Variants in PXDNL observed in about 807,000 individuals in gnomAD.
PXDNL encodes peroxidasin like, also known as probable oxidoreductase PXDNL.
A neutral mutation model predicts 150.8 loss-of-function variants in PXDNL; 145 were observed. The observed-to-expected ratio is 0.96, with a 90% CI of 0.84 to 1.10. The LOEUF (loss-of-function observed/expected upper bound fraction) is 1.10, where lower values mean the gene tolerates loss of function less well. PXDNL is among the 50% of genes least tolerant of loss of function. The probability of loss-of-function intolerance (pLI) is 0.00; values close to 1 mark genes in which losing one functional copy is unlikely to be tolerated. For missense variants in PXDNL, 2,087 were observed against 1,873.9 expected (o/e 1.11, Z -2.10); for synonymous variants, 757 against 725.7 (o/e 1.04, Z -0.69).
At chr8:51,655,903 T>A (rs1815139270) in intron 1 of PXDNL, among the ~76,000 whole-genome samples, 1 of 152,174 alleles carries the variant, frequency 6.6e-6, no homozygotes, top group Non-Finnish European at 1.5e-5. Context: ...AACAAAGCCC[T>A]GGACCCAGGA....
intron 1 of PXDNL, among the ~76,000 whole-genome samples, chr8:51,717,449 C>T (rs1344031713): frequency 6.6e-6 from 1 of 152,208 alleles, no homozygotes; most frequent in African/African-American, 2.4e-5. Flanking sequence ...AGAACTTAGA[C>T]CTGGCAGATA....
intron 1 of PXDNL, among the ~76,000 whole-genome samples, chr8:51,784,829 T>C (rs2037446109): frequency 6.6e-6 from 1 of 152,172 alleles, no homozygotes; most frequent in Admixed American, 6.5e-5. Flanking sequence ...AATACTTTAA[T>C]ACCCAAAGCA....
chr8:51,588,242 T>C (rs71513536), intron 3 of PXDNL, among the ~76,000 whole-genome samples: 10,545 of 152,248 alleles, frequency 0.069, 457 homozygotes, highest in South Asian at 0.1. Flanking sequence ...ACTGTATGCA[T>C]TGAATGGGTC....
chr8:51,569,455 A>G (rs1359292020), intron 3 of PXDNL, among the ~76,000 whole-genome samples: 1 of 151,954 alleles, frequency 6.6e-6, no homozygotes, highest in Non-Finnish European at 1.5e-5. Flanking sequence ...TGTTATGATG[A>G]ACATACAGAG....
chr8:51,759,127 G>T (rs543650789), intron 1 of PXDNL, among the ~76,000 whole-genome samples: 1 of 152,106 alleles, frequency 6.6e-6, no homozygotes, highest in East Asian at 1.9e-4. Context: ...GGCTCCCAGG[G>T]GTTCTTTGTT....
At chr8:51,483,073 A>G (rs1563431573) in intron 6 of PXDNL, among the ~76,000 whole-genome samples, 2 of 152,232 alleles carry the variant, frequency 1.3e-5, no homozygotes, top group South Asian at 2.1e-4. Context: ...GTAGAAGGCT[A>G]CACACAGATG....
At chr8:51,691,617 G>A (rs1485814967) in intron 1 of PXDNL, among the ~76,000 whole-genome samples, 9 of 151,256 alleles carry the variant, frequency 6.0e-5, no homozygotes, top group African/African-American at 2.2e-4. Flanking sequence ...GTTTAAAGTT[G>A]AACAAAACCT....
At chr8:51,630,635 A>G (rs553112313) in intron 2 of PXDNL, among the ~76,000 whole-genome samples, 57 of 152,252 alleles carry the variant, frequency 3.7e-4, no homozygotes, top group African/African-American at 1.3e-3. Context: ...GGACATAAAC[A>G]CTTTTCAAAA....
intron 14 of PXDNL, among the ~76,000 whole-genome samples, chr8:51,415,059 C>A (rs935072876): frequency 6.6e-6 from 1 of 152,086 alleles, no homozygotes; most frequent in East Asian, 1.9e-4. Context: ...CCTTCTTTGG[C>A]GGGGGGGAGA....
At chr8:51,476,868 TA>T (rs1810490444) in intron 6 of PXDNL, among the ~76,000 whole-genome samples, 1 of 152,168 alleles carries the variant, frequency 6.6e-6, no homozygotes, top group Non-Finnish European at 1.5e-5. Context: ...TGGAGGAGAA[TA>T]CAAAATGCCA....
intron 1 of PXDNL, among the ~76,000 whole-genome samples, chr8:51,791,567 C>CAACGAG (rs2037513798): frequency 6.6e-6 from 1 of 152,226 alleles, no homozygotes; most frequent in Non-Finnish European, 1.5e-5. Flanking sequence ...GCCTTAATTC[C>CAACGAG]ATCTCGTTGG....
intron 6 of PXDNL, among the ~76,000 whole-genome samples, chr8:51,479,949 A>C (rs1431633): frequency 0.2 from 30,713 of 152,092 alleles, 4,247 homozygotes; most frequent in African/African-American, 0.39. Flanking sequence ...CACCAAGAAG[A>C]CTGGGAAGCA....
chr8:51,556,847 C>T lies in PXDNL; in HGVS notation c.373G>A (p.Glu125Lys). ...AAAGTTTCTATTACTTACAGATGTTCCAAAGATATGAGTCCTTTAAATGTT... is the reference window on the plus strand; with the variant it reads ...AAAGTTTCTATTACTTACAGATGTTTCAAAGATATGAGTCCTTTAAATGTT... ...KQTFKGLISL[E>K]HLYIHFNQLE... is the part of the protein sequence containing the mutation. Residue 125 changes from glutamate (E) to lysine (K), a missense_variant, in exon 4 of 23, where the codon GAA (glutamate) becomes AAA (lysine). Transcript: ENST00000356297. The T allele has an allele frequency of 6.4e-7, 1 of 1,566,542 alleles. No homozygotes were observed. Among genetic ancestry groups the T allele is most frequent in the Non-Finnish European group, 8.8e-7 (1 of 1,138,130 alleles).
intron 21 of PXDNL, 178 bp from the exon 22 acceptor site, chr8:51,321,075 C>T: frequency 1.8e-6 from 1 of 561,566 alleles, no homozygotes; most frequent in Non-Finnish European, 3.1e-6. Flanking sequence ...CTTGAATCAT[C>T]CAGTATCCAA....
At chr8:51,674,387 G>A (rs773894434) in intron 1 of PXDNL, among the ~76,000 whole-genome samples, 50 of 152,330 alleles carry the variant, frequency 3.3e-4, no homozygotes, top group Admixed American at 5.2e-4. Context: ...CAAATTGACT[G>A]TCTTGAATCA....
At chr8:51,733,158 G>A (rs1816966077) in intron 1 of PXDNL, among the ~76,000 whole-genome samples, 1 of 152,188 alleles carries the variant, frequency 6.6e-6, no homozygotes, top group Admixed American at 6.5e-5. Context: ...AGTTGCTTTA[G>A]AACCAAATCC....
At chr8:51,458,622 T>A (rs1263024243) in intron 8 of PXDNL, among the ~76,000 whole-genome samples, 2 of 152,204 alleles carry the variant, frequency 1.3e-5, no homozygotes, top group African/African-American at 4.8e-5. Context: ...AAAGAAAAAG[T>A]GCATTAGGAG....
At chr8:51,373,109 A>G (rs911257630) in intron 18 of PXDNL, among the ~76,000 whole-genome samples, 2 of 152,172 alleles carry the variant, frequency 1.3e-5, no homozygotes, top group Non-Finnish European at 2.9e-5. Context: ...AGGTGACTCT[A>G]TTTGGAGACA....
intron 1 of PXDNL, among the ~76,000 whole-genome samples, chr8:51,714,618 T>G (rs938503868): frequency 1.3e-5 from 2 of 152,118 alleles, no homozygotes; most frequent in African/African-American, 4.8e-5. Flanking sequence ...CAAGAAGGTA[T>G]AACATTTTCA....
Sources: allele counts gnomAD v4.1 joint callset (sites outside exome capture counted in the v4.1 genomes callset), GRCh38; gene constraint gnomAD v4.1.1; transcripts MANE v1.5; gene names NCBI Gene and HGNC (gene_info 2026-07-23, HGNC 2026-07-21).